RP1: variants seen among roughly 807,000 people sequenced by gnomAD.
RP1 encodes oxygen-regulated protein 1.
In RP1, 16 loss-of-function variants were observed where a neutral mutation model predicts 14.8. The observed-to-expected ratio is 1.08, with a 90% CI of 0.73 to 1.65. The LOEUF is 1.65. Among genes scored for constraint, RP1 ranks in the 40% most tolerant of loss-of-function variants. RP1 has a pLI of 0.00. For synonymous variants in RP1, 876 were observed against 883.6 expected (o/e 0.99, Z 0.15); for missense variants, 2,631 against 2,535.0 (o/e 1.04, Z -0.81).
intron 17 of RP1, among the ~76,000 whole-genome samples, chr8:54,732,725 G>A (rs997210416): frequency 1.3e-5 from 2 of 152,142 alleles, no homozygotes; most frequent in East Asian, 3.8e-4. Context: ...TTCCAAGTGT[G>A]TTTGACTAGA....
chr8:54,765,120 T>C (rs998437662), intron 22 of RP1, among the ~76,000 whole-genome samples: 17 of 152,338 alleles, frequency 1.1e-4, no homozygotes, highest in Non-Finnish European at 2.4e-4. Flanking sequence ...TCTCCATGCA[T>C]GAGATTCTTC....
At chr8:54,793,658 A>C (rs1002003442) in intron 24 of RP1, among the ~76,000 whole-genome samples, 2 of 151,896 alleles carry the variant, frequency 1.3e-5, no homozygotes, top group Non-Finnish European at 2.9e-5. Context: ...CAGCATATTT[A>C]ATATAGAAGG....
Position 54,734,667 on chromosome 8 carries a change from G to T in RP1, c.2644G>T (p.Gly882Ter). 12 of 1,535,768 alleles carry T rather than the reference G, an allele frequency of 7.8e-6. No individual in the cohort carries two copies. Among genetic ancestry groups the T allele is most frequent in the Non-Finnish European group, 1.0e-5 (12 of 1,146,672 alleles). ...CACTCTCTGGGTGTATGGAGATAAA[G>T]GAGTCACTGGGCCAATAAGTCTTCG... Residue 882 changes from glycine (G) to a stop codon, truncating the protein, a stop_gained, in exon 18 of 23, where the codon GGA (glycine) becomes TGA (stop). Coordinates refer to the RP1 transcript ENST00000636932. LOFTEE classifies it high-confidence loss of function.
intron 19 of RP1, among the ~76,000 whole-genome samples, chr8:54,743,195 T>C (rs1430437661): frequency 1.3e-5 from 2 of 152,230 alleles, no homozygotes; most frequent in South Asian, 2.1e-4. Flanking sequence ...GTTGTTAAGG[T>C]TGCACTCCAT....
At chr8:54,804,265 A>G (rs1227687679) in intron 24 of RP1, among the ~76,000 whole-genome samples, 1 of 152,096 alleles carries the variant, frequency 6.6e-6, no homozygotes, top group Non-Finnish European at 1.5e-5. Flanking sequence ...TAATTTAAAA[A>G]AGGCAACTTC....
intron 23 of RP1, among the ~76,000 whole-genome samples, chr8:54,778,882 C>T (rs1199020947): frequency 6.6e-6 from 1 of 152,080 alleles, no homozygotes; most frequent in African/African-American, 2.4e-5. Flanking sequence ...CTAGATTAGA[C>T]ATTTGACAGG....
chr8:54,749,458 C>T (rs533167314), intron 19 of RP1, among the ~76,000 whole-genome samples: 38 of 152,098 alleles, frequency 2.5e-4, no homozygotes, highest in Non-Finnish European at 5.0e-4. Context: ...CTCACTCTGC[C>T]CTCACAACCC....
chr8:54,847,001 AG>A (rs749142650), intron 25 of RP1, among the ~76,000 whole-genome samples: 1 of 152,174 alleles, frequency 6.6e-6, no homozygotes, highest in Non-Finnish European at 1.5e-5. Flanking sequence ...AGAGCTGATG[AG>A]GGCACTCTGT....
chr8:54,705,969 C>T (rs549050916), intron 14 of RP1, among the ~76,000 whole-genome samples: 2 of 152,098 alleles, frequency 1.3e-5, no homozygotes, highest in South Asian at 2.1e-4. Context: ...TCTTTTATAT[C>T]TTCCTCTTAA....
chr8:54,640,071 C>T (rs1563336144), intron 3 of RP1, among the ~76,000 whole-genome samples: 1 of 150,526 alleles, frequency 6.6e-6, no homozygotes, highest in African/African-American at 2.4e-5. Flanking sequence ...GGAGTTTCAT[C>T]ATTTTAATTC....
chr8:54,696,479 G>GCCAC, intron 12 of RP1: 1 of 896,670 alleles, frequency 1.1e-6, no homozygotes, highest in Admixed American at 1.9e-5. Context: ...AGCCCTCGAA[G>GCCAC]CCACCCAGGC....
In RP1 at chr8:54,716,650, C is replaced by T. The variant is rs145475869; in HGVS notation, c.2212-3479C>T. On this transcript the variant is annotated intron_variant, in intron 15 of 22. Coordinates refer to the RP1 transcript ENST00000636932. ...AGTGGGCAGCTTGTAGCAAATCCAG[C>T]CCTCTCCCAGATCTCCAGTCCTCTC... Among the ~76,000 whole-genome samples, 773 of 152,300 alleles carry T rather than the reference C, an allele frequency of 5.1e-3. 2 individuals carry two copies. Among genetic ancestry groups the T allele is most frequent in the Middle Eastern group, 0.01 (3 of 294 alleles).
chr8:54,627,885 C>G lies in RP1; in HGVS notation c.4003C>G (p.Pro1335Ala). 6.2e-7 allele frequency: 1 copy of G among 1,614,124 alleles called. No homozygotes were observed. The highest frequency in any genetic ancestry group is 8.5e-7 in the Non-Finnish European group (1 of 1,179,974). The part of the protein sequence containing the change: ...GACPIDETYV[P>A]VNVCNTIDFL... Reference sequence around the variant, plus strand: ...TTGCCCAATTGATGAGACCTACGTTCCTGTCAATGTCTGCAATACCATTGA... The same window carrying G: ...TTGCCCAATTGATGAGACCTACGTTGCTGTCAATGTCTGCAATACCATTGA... Residue 1335 changes from proline (P) to alanine (A), a missense_variant, in exon 4 of 4, where the codon CCT (proline) becomes GCT (alanine). Coordinates refer to ENST00000220676, the MANE Select transcript of RP1 (RefSeq NM_006269.2).
chr8:54,699,555 C>A, exon 13 of RP1: 1 of 1,384,108 alleles, frequency 7.2e-7, no homozygotes, highest in Non-Finnish European at 9.5e-7. Flanking sequence ...TTGACAATGG[C>A]ATTGTCACTG....
chr8:54,609,920 G>C (rs954516783), intron 1 of RP1, among the ~76,000 whole-genome samples: 2 of 152,138 alleles, frequency 1.3e-5, no homozygotes, highest in Non-Finnish European at 2.9e-5. Context: ...CCTTTTGACT[G>C]GTTCATTCCT....
exon 29 of RP1, chr8:54,870,230 T>C (rs1812558234): frequency 3.6e-6 from 1 of 278,440 alleles, no homozygotes; most frequent in Non-Finnish European, 6.7e-6. Context: ...TCCCCACTCT[T>C]CCCCTCCCTC....
chr8:54,640,579 C>T (rs987653263), intron 3 of RP1, among the ~76,000 whole-genome samples: 1 of 152,100 alleles, frequency 6.6e-6, no homozygotes, highest in Non-Finnish European at 1.5e-5. Context: ...GCCTTATATT[C>T]CTGGGTGAAA....
rs185177835 is a variant in RP1, at chr8:54,566,462, A to G, written c.-13+7142A>G. Among the ~76,000 whole-genome samples, 9 of 152,310 alleles carry G rather than the reference A, an allele frequency of 5.9e-5. No homozygotes were observed. In the East Asian group the frequency reaches 1.5e-3, roughly 26 times the overall value. ...CAGCTCACGTTTTTGGGGCTGTGTC[A>G]TCTGAGAAGAGTGAAGGACCTCACA... is the stretch of plus-strand genomic sequence containing the variant. On this transcript the variant is annotated intron_variant, in intron 1 of 22. Coordinates refer to the RP1 transcript ENST00000636932.
chr8:54,730,243 G>GT (rs890028268), intron 17 of RP1, among the ~76,000 whole-genome samples: 7 of 151,804 alleles, frequency 4.6e-5, no homozygotes, highest in African/African-American at 1.7e-4. Context: ...AACCATTGTT[G>GT]TTTTTTCTTA....
Sources: allele counts gnomAD v4.1 joint callset (sites outside exome capture counted in the v4.1 genomes callset), GRCh38; gene constraint gnomAD v4.1.1; transcripts MANE v1.5; gene names NCBI Gene and HGNC (gene_info 2026-07-23, HGNC 2026-07-21).